The following GABRA3 variants were observed in gnomAD, a reference collection of about 807,000 sequenced individuals.
GABRA3 encodes gamma-aminobutyric acid receptor subunit alpha-3.
Under a neutral mutation model 30.1 loss-of-function variants are expected in GABRA3, and 10 were observed. That is an observed-to-expected ratio of 0.33 (90% CI 0.20 to 0.56). The LOEUF (loss-of-function observed/expected upper bound fraction) is 0.56, where lower values mean the gene tolerates loss of function less well. GABRA3 is among the 20% of genes least tolerant of loss of function. The pLI is 0.89. For missense variants in GABRA3, 233 were observed against 392.0 expected (o/e 0.59, Z 3.42); for synonymous variants, 151 against 146.8 (o/e 1.03, Z -0.21).
At chrX:152,210,520 C>T (rs146202068) in intron 6 of GABRA3, among the ~76,000 whole-genome samples, 2,698 of 111,718 alleles carry the variant, frequency 0.024, 44 homozygotes, top group Middle Eastern at 0.07. Flanking sequence ...GGAAAGCATA[C>T]CCTCATCTAC....
chrX:152,215,713 C>T (rs1276571194), intron 6 of GABRA3, among the ~76,000 whole-genome samples: 1 of 111,393 alleles, frequency 9.0e-6, no homozygotes, highest in Non-Finnish European at 1.9e-5. Context: ...GATAACAATA[C>T]CAAAGCACAG....
intron 9 of GABRA3, among the ~76,000 whole-genome samples, chrX:152,182,596 C>CTATATA (rs1160156869): frequency 0.014 from 120 of 8,839 alleles, no homozygotes; most frequent in African/African-American, 0.058. Flanking sequence ...TATATACACA[C>CTATATA]TATATATACT....
intron 1 of GABRA3, among the ~76,000 whole-genome samples, chrX:152,396,987 G>A (rs771837939): frequency 8.9e-6 from 1 of 111,923 alleles, no homozygotes; most frequent in Non-Finnish European, 1.9e-5. Flanking sequence ...ACCTAAGCAT[G>A]CAGAATCATA....
intron 3 of GABRA3, among the ~76,000 whole-genome samples, chrX:152,320,371 T>C (rs771048179): frequency 3.6e-5 from 4 of 111,839 alleles, no homozygotes; most frequent in Non-Finnish European, 7.5e-5. Flanking sequence ...TATATACATA[T>C]ACTATGGAAT....
intron 3 of GABRA3, among the ~76,000 whole-genome samples, chrX:152,325,915 G>T (rs916230160): frequency 7.2e-5 from 8 of 111,240 alleles, no homozygotes; most frequent in African/African-American, 2.6e-4. Flanking sequence ...CGAGCTAAAG[G>T]AGGATGTTCG....
At chrX:152,388,696 G>A (rs867480665) in intron 1 of GABRA3, among the ~76,000 whole-genome samples, 12 of 112,304 alleles carry the variant, frequency 1.1e-4, no homozygotes, top group Middle Eastern at 4.2e-3. Flanking sequence ...ACTATAGGAT[G>A]GTTATTATTC....
At chrX:152,339,348 C>T (rs1490312996) in intron 3 of GABRA3, among the ~76,000 whole-genome samples, 1 of 109,217 alleles carries the variant, frequency 9.2e-6, no homozygotes, top group Admixed American at 9.8e-5. Flanking sequence ...CTGCCTCAGC[C>T]TCCCAAGTAG....
intron 3 of GABRA3, among the ~76,000 whole-genome samples, chrX:152,306,009 T>G (rs1327150091): frequency 2.7e-5 from 3 of 112,087 alleles, no homozygotes; most frequent in Non-Finnish European, 5.6e-5. Flanking sequence ...ATATTAATTG[T>G]AAGTGTATTA....
At chrX:152,233,564 T>C (rs994724766) in intron 5 of GABRA3, among the ~76,000 whole-genome samples, 23 of 109,988 alleles carry the variant, frequency 2.1e-4, no homozygotes, top group Admixed American at 4.9e-4. Context: ...CTGGAGAGGA[T>C]GTGGAGAAAT....
intron 3 of GABRA3, among the ~76,000 whole-genome samples, chrX:152,285,984 A>G (rs1282834417): frequency 9.4e-6 from 1 of 106,210 alleles, no homozygotes; most frequent in Non-Finnish European, 1.9e-5. Context: ...ATTTCAGCAT[A>G]CAGATTGTGG....
In GABRA3 at chrX:152,426,666, G is replaced by A. The variant is rs997861312; in HGVS notation, c.-27+24480C>T. On this transcript the variant is annotated intron_variant, in intron 1 of 9. Transcript: ENST00000370314. ...CACTTCCTTTCTCCGTACTTTCTTC[G>A]TTGCATTCCTTATTCGAAGTGGTTT... 6.3e-5 allele frequency among the ~76,000 whole-genome samples: 7 copies of A among 111,540 alleles called. No homozygotes were observed. In the East Asian group the frequency reaches 1.1e-3, roughly 18 times the overall value.
At chrX:152,329,119 T>C (rs112611992) in intron 3 of GABRA3, among the ~76,000 whole-genome samples, 4 of 111,231 alleles carry the variant, frequency 3.6e-5, no homozygotes, top group South Asian at 3.8e-4. Context: ...GAATGAAATA[T>C]CTAGGAATCC....
At position 152,168,211 on chromosome X, in the gene GABRA3, T is replaced by C; in HGVS notation, c.*17A>G. 8.4e-7 allele frequency: 1 copy of C among 1,188,714 alleles called. No individual in the cohort carries two copies. On this transcript the variant is annotated 3_prime_UTR_variant, in exon 10 of 10. Transcript: ENST00000370314. ...ACGGGGTATACAGTGCTCTGGTTGC[T>C]GCACTGCCACCACTATCTACTGTTT...
chrX:152,352,319 A>C (rs1334379626), intron 2 of GABRA3, among the ~76,000 whole-genome samples: 2 of 112,329 alleles, frequency 1.8e-5, no homozygotes, highest in African/African-American at 6.5e-5. Context: ...AACTTTTGAA[A>C]TAAATAGGTA....
At position 152,168,022 on chromosome X, in the gene GABRA3, G is replaced by C; in HGVS notation, c.*206C>G. The C allele has an allele frequency of 2.3e-6, 1 of 436,278 alleles. No homozygotes were observed. Among genetic ancestry groups the C allele is most frequent in the Non-Finnish European group, 4.0e-6 (1 of 250,799 alleles). The allele number at this position is 436,278 out of a possible 1,213,427, so 36.0% of individuals were successfully genotyped here. On this transcript the variant is annotated 3_prime_UTR_variant, in exon 10 of 10. Coordinates refer to ENST00000370314, the MANE Select transcript of GABRA3 (RefSeq NM_000808.4). ...AAATGGCAGTGTTTGGCTTTGATGG[G>C]GTTATACTGGGCAATATTGGAGGGA...
At position 152,228,214 on chromosome X, in the gene GABRA3, G is replaced by A. The variant is rs375416543; in HGVS notation, c.552-3369C>T. 4.5e-5 allele frequency among the ~76,000 whole-genome samples: 5 copies of A among 111,559 alleles called. 1 individual carries two copies. The East Asian group carries it at 1.1e-3, about 25-fold the overall frequency. On this transcript the variant is annotated intron_variant, in intron 5 of 9. Coordinates refer to ENST00000370314, the MANE Select transcript of GABRA3 (RefSeq NM_000808.4). ...AATCCTATCTCAATATGTGAAGGGAGATAAGGAGGGCAAGAAGATCAGACA... is the reference window on the plus strand; with the variant it reads ...AATCCTATCTCAATATGTGAAGGGAAATAAGGAGGGCAAGAAGATCAGACA...
At chrX:152,214,893 A>G (rs1937688077) in intron 6 of GABRA3, among the ~76,000 whole-genome samples, 1 of 109,282 alleles carries the variant, frequency 9.2e-6, no homozygotes, top group Non-Finnish European at 1.9e-5. Flanking sequence ...TAGAAATGGT[A>G]CTGACTTTTG....
At chrX:152,182,727 G>GTATATATATATAC (rs1175920635) in intron 9 of GABRA3, among the ~76,000 whole-genome samples, 2 of 4,240 alleles carry the variant, frequency 4.7e-4, no homozygotes, top group African/African-American at 9.4e-4. Flanking sequence ...TATAGGTATA[G>GTATATATATATAC]TGTATATATA....
chrX:152,404,158 A>T (rs189362806), intron 1 of GABRA3, among the ~76,000 whole-genome samples: 1 of 111,628 alleles, frequency 9.0e-6, no homozygotes, highest in African/African-American at 3.3e-5. Context: ...TTTAAAAAAG[A>T]TAACAGAGGA....
Sources: allele counts gnomAD v4.1 joint callset (sites outside exome capture counted in the v4.1 genomes callset), GRCh38; gene constraint gnomAD v4.1.1; transcripts MANE v1.5; gene names NCBI Gene and HGNC (gene_info 2026-07-23, HGNC 2026-07-21).